The following ZNF773 variants were observed in gnomAD, a reference collection of about 807,000 sequenced individuals.
ZNF773 encodes zinc finger protein 419B.
In ZNF773, 11 loss-of-function variants were observed where a neutral mutation model predicts 12.8. That is an observed-to-expected ratio of 0.86 (90% CI 0.54 to 1.42). The LOEUF is 1.42. Ranked by LOEUF, ZNF773 falls within the 40% of genes most tolerant of loss-of-function variation. ZNF773 has a pLI of 0.00. For synonymous variants in ZNF773, 175 were observed against 178.4 expected (o/e 0.98, Z 0.15); for missense variants, 518 against 527.2 (o/e 0.98, Z 0.17).
At chr19:57,518,403 AGAAAG>A (rs890392793) in exon 5 of ZNF773, 1 of 152,410 alleles carries the variant, frequency 6.6e-6, no homozygotes, top group African/African-American at 2.4e-5. Flanking sequence ...GTTCCCTAGA[AGAAAG>A]GAGCCGCCTG....
Position 57,506,707 on chromosome 19 carries a change from T to G in ZNF773, c.612T>G (p.Tyr204Ter). ...SECGKAFGQKYLLVQHQRLHT... is the reference protein window; with the variant it reads ...SECGKAFGQK ...GTGGGAAAGCCTTTGGTCAGAAATA[T>G]TTACTTGTTCAGCACCAGAGACTGC... Residue 204 changes from tyrosine (Y) to a stop codon, truncating the protein, a stop_gained, in exon 4 of 4, where the codon TAT becomes TAG. Transcript: ENST00000282292. LOFTEE classifies it low-confidence loss of function (END_TRUNC). 6.2e-7 allele frequency: 1 copy of G among 1,614,210 alleles called. No homozygotes were observed. The highest frequency in any genetic ancestry group is 8.5e-7 in the Non-Finnish European group (1 of 1,180,032).
rs1380964785 is a variant in ZNF773, at chr19:57,506,784, A to G, written c.689A>G (p.His230Arg). ...ECSECGKLFSHKSNLFIHQIV... is the reference protein window; with the variant it reads ...ECSECGKLFSRKSNLFIHQIV... ...AGTGAATGTGGGAAGTTATTTAGCC[A>G]TAAGTCCAACCTTTTTATACACCAA... Residue 230 changes from histidine (H) to arginine (R), a missense_variant, in exon 4 of 4, where the codon CAT becomes CGT. By Grantham distance (29) the His-to-Arg change is conservative. Coordinates refer to ENST00000282292, the MANE Select transcript of ZNF773 (RefSeq NM_198542.3). The G allele has an allele frequency of 5.0e-6, 8 of 1,614,156 alleles. No individual in the cohort carries two copies. The highest frequency in any genetic ancestry group is 1.3e-5 in the African/African-American group (1 of 74,960).
chr19:57,503,934 A>C (rs2089697673), intron 1 of ZNF773, among the ~76,000 whole-genome samples: 2 of 152,186 alleles, frequency 1.3e-5, no homozygotes, highest in South Asian at 4.1e-4. Flanking sequence ...GCAGGATTAC[A>C]GGCATGAGCC....
At chr19:57,512,400 ATTTTTTT>A (rs747914066), downstream of ZNF773, among the ~76,000 whole-genome samples, 1 of 113,282 alleles carries the variant, frequency 8.8e-6, no homozygotes, top group East Asian at 2.8e-4. Context: ...AAGATGCAGT[ATTTTTTT>A]TTTTTTTTTT....
downstream of ZNF773, among the ~76,000 whole-genome samples, chr19:57,510,006 A>G (rs2089782543): frequency 6.6e-6 from 1 of 152,222 alleles, no homozygotes; most frequent in Admixed American, 6.5e-5. Context: ...ACCAATAACC[A>G]CATGAATATA....
chr19:57,502,731 G>A (rs1466785625), intron 1 of ZNF773, among the ~76,000 whole-genome samples: 3 of 151,982 alleles, frequency 2.0e-5, no homozygotes, highest in African/African-American at 4.8e-5. Flanking sequence ...TCGCTCTGTC[G>A]CCCAGGCTGG....
intron 1 of ZNF773, among the ~76,000 whole-genome samples, chr19:57,502,938 G>T (rs144692215): frequency 6.6e-6 from 1 of 152,020 alleles, no homozygotes; most frequent in East Asian, 1.9e-4. Context: ...TGATCCGCCC[G>T]CTTTGGCCTC....
chr19:57,516,972 T>C (rs2089835994), downstream of ZNF773: 1 of 152,236 alleles, frequency 6.6e-6, no homozygotes, highest in Non-Finnish European at 1.5e-5. Context: ...AGCCCACCTT[T>C]GCCTCAATGG....
In ZNF773 at chr19:57,505,314, C is replaced by T. The variant is rs766300558; in HGVS notation, c.176C>T (p.Ser59Phe). The change falls in exon 3 of 4, where the codon TCC becomes TTC. Residue 59 changes from serine to phenylalanine, a missense_variant. Coordinates refer to ENST00000282292, the MANE Select transcript of ZNF773 (RefSeq NM_198542.3). ...TLLASLGLASSKTHEITQLES... is the reference protein window; with the variant it reads ...TLLASLGLASFKTHEITQLES... Reference sequence around the variant, plus strand: ...TCGTTTTCCTTAGGACTTGCATCTTCCAAGACCCATGAAATAACCCAGCTG... The same window carrying T: ...TCGTTTTCCTTAGGACTTGCATCTTTCAAGACCCATGAAATAACCCAGCTG... 13 of 1,609,576 alleles carry T rather than the reference C, an allele frequency of 8.1e-6. No individual in the cohort carries two copies. Among genetic ancestry groups the T allele is most frequent in the Non-Finnish European group, 1.1e-5 (13 of 1,177,512 alleles).
rs368885388 is a variant in ZNF773, at chr19:57,507,371, C to T, written c.1276C>T (p.His426Tyr). The change falls in exon 4 of 4, where the codon CAC (histidine) becomes TAC (tyrosine). Residue 426 changes from histidine to tyrosine, a missense_variant. Transcript: ENST00000282292. ...CAGGGAATGTGGGAAATTTTTTCGC[C>T]ACAGCTCCAGTCTTGTTAAACATCG... ...ECRECGKFFRHSSSLVKHRRI... is the reference protein window; with the variant it reads ...ECRECGKFFRYSSSLVKHRRI... 14 of 1,612,602 alleles carry T rather than the reference C, an allele frequency of 8.7e-6. No individual in the cohort carries two copies. The highest frequency in any genetic ancestry group is 1.2e-5 in the Non-Finnish European group (14 of 1,179,568).
At chr19:57,513,054 C>G (rs773770787), downstream of ZNF773, 4 of 1,557,154 alleles carry the variant, frequency 2.6e-6, no homozygotes, top group South Asian at 1.2e-5. Flanking sequence ...GGCGCCCGAA[C>G]AGGGACGTGA....
chr19:57,500,105 C>G lies in ZNF773; in HGVS notation c.25C>G (p.Pro9Ala). The change falls in exon 1 of 4, where the codon CCC (proline) becomes GCC (alanine). Residue 9 changes from proline to alanine, a missense_variant. By Grantham distance (27) the Pro-to-Ala change is conservative (BLOSUM62 -1). Coordinates refer to ENST00000282292, the MANE Select transcript of ZNF773 (RefSeq NM_198542.3). ...GATGGCGGCGGCCACGCTGAGGGAC[C>G]CCGCTCAGGTGAGCGCCGCGTCCTC... MAAATLRD[P>A]AQQGYVTFED... is the part of the protein sequence containing the mutation. 6.2e-7 allele frequency: 1 copy of G among 1,605,478 alleles called. No individual in the cohort carries two copies.
chr19:57,509,676 C>T (rs2089780337), downstream of ZNF773, among the ~76,000 whole-genome samples: 1 of 152,200 alleles, frequency 6.6e-6, no homozygotes, highest in Non-Finnish European at 1.5e-5. Flanking sequence ...AAGTATAACA[C>T]AGGTATCACT....
downstream of ZNF773, among the ~76,000 whole-genome samples, chr19:57,508,859 G>A (rs1173534396): frequency 6.6e-6 from 1 of 151,904 alleles, no homozygotes; most frequent in African/African-American, 2.4e-5. Context: ...GGTATTTTTT[G>A]CCTGTTTTTT....
downstream of ZNF773, chr19:57,508,598 C>T (rs1488524502): frequency 1.4e-6 from 1 of 697,952 alleles, no homozygotes; most frequent in South Asian, 1.5e-5. Context: ...ATTTTAAGAA[C>T]TTGCCAAATT....
rs938985730 is a variant in ZNF773, at chr19:57,503,169, G to C, written c.34-1488G>C. Among the ~76,000 whole-genome samples the C allele has an allele frequency of 2.6e-5, 4 of 152,178 alleles. No individual in the cohort carries two copies. The East Asian group carries it at 7.7e-4, about 29-fold the overall frequency. ...ATTGAGTGGGCACCTGGACAGAGAA[G>C]TCTGGAGTTCAGGTGAAGGGTTCAG... On this transcript the variant is annotated intron_variant, in intron 1 of 3. Transcript: ENST00000282292.
Position 57,507,848 on chromosome 19 carries a change from CT to C in ZNF773, c.*425del. The C allele has an allele frequency of 2.9e-6, 1 of 344,678 alleles. No individual in the cohort carries two copies. Among genetic ancestry groups the C allele is most frequent in the Non-Finnish European group, 4.2e-6 (1 of 238,072 alleles). The allele number at this position is 344,678 out of a possible 1,614,324, so 21.4% of individuals were successfully genotyped here. A position where few individuals can be genotyped will look rare whatever the true frequency, so the allele number is the denominator to read the frequency against. On this transcript the variant is annotated 3_prime_UTR_variant, in exon 4 of 4. Coordinates refer to ENST00000282292, the MANE Select transcript of ZNF773 (RefSeq NM_198542.3). ...ATTTACTGGGCATGGTGGTGGGCGC[CT>C]GTAGTCCCAGCTACTCAGGAGGCTG...
chr19:57,510,486 T>A (rs1226147686), downstream of ZNF773, among the ~76,000 whole-genome samples: 1 of 152,166 alleles, frequency 6.6e-6, no homozygotes, highest in East Asian at 1.9e-4. Flanking sequence ...AGGAATAACA[T>A]AAATATGTCA....
At chr19:57,508,479 C>T (rs1303920848), downstream of ZNF773, 9 of 692,338 alleles carry the variant, frequency 1.3e-5, no homozygotes, top group East Asian at 1.6e-4. Context: ...CCCTTATGTC[C>T]GCTTCCAGAG....
Sources: gnomAD v4.1 joint callset for allele counts (sites outside exome capture counted in the v4.1 genomes callset) on GRCh38, gnomAD v4.1.1 for gene constraint, MANE v1.5 for transcripts, NCBI Gene and HGNC (gene_info 2026-07-23, HGNC 2026-07-21) for gene names.